The following STK3 variants were observed in gnomAD, a reference collection of about 807,000 sequenced individuals.
The protein encoded by STK3 is serine/threonine kinase 3.
Under a neutral mutation model 58.0 loss-of-function variants are expected in STK3, and 41 were observed. That is an observed-to-expected ratio of 0.71 (90% confidence interval 0.55 to 0.92). The LOEUF (loss-of-function observed/expected upper bound fraction) is 0.92, where lower values mean the gene tolerates loss of function less well. Among genes scored for constraint, STK3 ranks in the 40% least tolerant of loss-of-function variants. STK3 has a pLI of 0.00. For synonymous variants in STK3, 170 were observed against 191.0 expected (o/e 0.89, Z 0.91); for missense variants, 479 against 602.7 (o/e 0.79, Z 2.15).
chr8:98,820,749 G>T (rs541694917), intron 1 of STK3, among the ~76,000 whole-genome samples: 1 of 152,140 alleles, frequency 6.6e-6, no homozygotes, highest in Admixed American at 6.5e-5. Flanking sequence ...AGGCCAAGGC[G>T]GGTGGATCAC....
chr8:98,875,102 A>C (rs1040002122), intron 3 of STK3, among the ~76,000 whole-genome samples: 1 of 152,256 alleles, frequency 6.6e-6, no homozygotes, highest in Non-Finnish European at 1.5e-5. Context: ...ATCAATGGAT[A>C]GGTCCCAGAT....
chr8:98,767,915 T>C (rs1358097546), intron 2 of STK3, among the ~76,000 whole-genome samples: 2 of 152,178 alleles, frequency 1.3e-5, no homozygotes, highest in African/African-American at 4.8e-5. Context: ...AAAAAGTTCC[T>C]TTCATTACCT....
At chr8:98,557,189 G>C (rs1271476829) in intron 8 of STK3, among the ~76,000 whole-genome samples, 1 of 151,974 alleles carries the variant, frequency 6.6e-6, no homozygotes, top group Non-Finnish European at 1.5e-5. Flanking sequence ...CGGAATTCGG[G>C]GGCTGGTGAC....
chr8:98,837,151 C>G (rs567976192), intron 3 of STK3, among the ~76,000 whole-genome samples: 3 of 152,180 alleles, frequency 2.0e-5, no homozygotes, highest in Admixed American at 2.0e-4. Context: ...TTGATCTAAA[C>G]TAACTTTATA....
chr8:98,546,978 C>G (rs7816638), intron 9 of STK3, among the ~76,000 whole-genome samples: 52,190 of 151,894 alleles, frequency 0.34, 9,643 homozygotes, highest in Admixed American at 0.48. Flanking sequence ...GACCTCATGG[C>G]GGAGTAGCAA....
intron 10 of STK3, among the ~76,000 whole-genome samples, chr8:98,510,660 T>C (rs1299940714): frequency 6.6e-6 from 1 of 151,942 alleles, no homozygotes; most frequent in Admixed American, 6.6e-5. Flanking sequence ...AATTTAAAAA[T>C]TTCTCTTATA....
chr8:98,918,013 G>C (rs1839406789), intron 1 of STK3, among the ~76,000 whole-genome samples: 1 of 152,206 alleles, frequency 6.6e-6, no homozygotes, highest in African/African-American at 2.4e-5. Flanking sequence ...CTATAGGGCA[G>C]ACATTGTTCT....
chr8:98,679,992 T>A (rs1823507384), intron 6 of STK3, among the ~76,000 whole-genome samples: 1 of 152,214 alleles, frequency 6.6e-6, no homozygotes, highest in African/African-American at 2.4e-5. Context: ...TTGCTGTTAT[T>A]GTTGGTACTA....
intron 1 of STK3, among the ~76,000 whole-genome samples, chr8:98,819,540 C>G (rs919993633): frequency 1.3e-5 from 2 of 152,192 alleles, no homozygotes; most frequent in Non-Finnish European, 1.5e-5. Flanking sequence ...AAAGGGAAGA[C>G]AGCAGATGCT....
chr8:98,536,026 CTAAA>C (rs916928869), intron 9 of STK3, among the ~76,000 whole-genome samples: 1 of 152,032 alleles, frequency 6.6e-6, no homozygotes, highest in African/African-American at 2.4e-5. Context: ...TTGGTGTTGA[CTAAA>C]TAAAGAAAGG....
chr8:98,699,961 T>C (rs4734412), intron 6 of STK3, among the ~76,000 whole-genome samples: 5 of 152,204 alleles, frequency 3.3e-5, no homozygotes, highest in Non-Finnish European at 5.9e-5. Flanking sequence ...GTGCCCTGCC[T>C]CCAGAGGTGA....
chr8:98,593,867 T>C (rs1815556924), intron 7 of STK3, among the ~76,000 whole-genome samples: 1 of 152,010 alleles, frequency 6.6e-6, no homozygotes, highest in African/African-American at 2.4e-5. Context: ...AAGACTCTAA[T>C]GAGGCCAAAG....
intron 3 of STK3, among the ~76,000 whole-genome samples, chr8:98,756,762 A>T (rs940301130): frequency 6.6e-6 from 1 of 152,194 alleles, no homozygotes; most frequent in African/African-American, 2.4e-5. Context: ...ACAGCAAACT[A>T]ACTCCCATGG....
chr8:98,556,238 T>C (rs1325404633), intron 8 of STK3, among the ~76,000 whole-genome samples: 1 of 152,044 alleles, frequency 6.6e-6, no homozygotes, highest in Non-Finnish European at 1.5e-5. Context: ...GTTAACCAAA[T>C]ATAGCCCCAG....
chr8:98,429,077 G>C, intron 3 of STK3: 1 of 1,613,262 alleles, frequency 6.2e-7, no homozygotes, highest in Non-Finnish European at 8.5e-7. Flanking sequence ...CCTGCTGGTG[G>C]TGGGCTACCG....
intron 10 of STK3, among the ~76,000 whole-genome samples, chr8:98,508,225 A>G (rs1824240521): frequency 6.6e-6 from 1 of 152,164 alleles, no homozygotes; most frequent in Admixed American, 6.6e-5. Context: ...ATTTTATTTC[A>G]GACTTCAAGT....
chr8:98,909,767 G>A (rs1401293175), intron 1 of STK3, among the ~76,000 whole-genome samples: 1 of 152,204 alleles, frequency 6.6e-6, no homozygotes, highest in Non-Finnish European at 1.5e-5. Flanking sequence ...GTTGATAAAT[G>A]TTTGGGTTGT....
At chr8:98,505,982 C>T (rs1007361030) in intron 10 of STK3, among the ~76,000 whole-genome samples, 1 of 152,214 alleles carries the variant, frequency 6.6e-6, no homozygotes, top group Non-Finnish European at 1.5e-5. Flanking sequence ...GCCTTTTGTT[C>T]AGCTATGCCC....
rs551482838 is a variant in STK3, at chr8:98,877,671, C to T, written c.110+5976G>A. Among the ~76,000 whole-genome samples the T allele has an allele frequency of 5.9e-5, 9 of 152,014 alleles. No individual in the cohort carries two copies. In the South Asian group the frequency reaches 1.2e-3, roughly 21 times the overall value. ...GCTAATTTTGTATTTTTAGTAGAGA[C>T]GGGGTTTCTCCATGTTGGTCAGGCT... On this transcript the variant is annotated intron_variant, in intron 3 of 12. Coordinates refer to the STK3 transcript ENST00000523601.
Sources: gnomAD v4.1 joint callset for allele counts (sites outside exome capture counted in the v4.1 genomes callset) on GRCh38, gnomAD v4.1.1 for gene constraint, MANE v1.5 for transcripts, NCBI Gene and HGNC (gene_info 2026-07-23, HGNC 2026-07-21) for gene names.